COA8: variants seen among roughly 807,000 people sequenced by gnomAD.
The protein encoded by COA8 is UPF0671 protein C14orf153.
Under a neutral mutation model 22.0 loss-of-function variants are expected in COA8, and 20 were observed. The ratio of observed to expected loss-of-function variants is 0.91; its 90% CI spans 0.64 to 1.32. The LOEUF (loss-of-function observed/expected upper bound fraction) is 1.32. COA8 is among the 40% of genes most tolerant of loss of function. The pLI, the probability that COA8 is intolerant of heterozygous loss-of-function variation, is 0.00. For synonymous variants in COA8, 105 were observed against 79.9 expected (o/e 1.31, Z -1.68); for missense variants, 266 against 230.0 (o/e 1.16, Z -1.01).
chr14:103,567,994 G>A (rs2076147358), intron 1 of COA8, among the ~76,000 whole-genome samples: 1 of 152,152 alleles, frequency 6.6e-6, no homozygotes, highest in South Asian at 2.1e-4. Flanking sequence ...TCGGGTTTGC[G>A]GATTTGTCTA....
rs866692280 is a variant in COA8 at position 103,563,015 on chromosome 14, G to A, written c.14G>A (p.Arg5Gln). 40 of 1,557,730 alleles carry A rather than the reference G, an allele frequency of 2.6e-5. No homozygotes were observed. The highest frequency in any genetic ancestry group is 3.5e-5 in the Non-Finnish European group (40 of 1,157,806). ...GGGCGTGGGGCCATGGTGGTCTTGC[G>A]GGCGGGGAAGAAGACCTTTCTCCCC... MVVL[R>Q]AGKKTFLPPL... Residue 5 changes from arginine to glutamine, a missense_variant, in exon 1 of 5, where the codon CGG (arginine) becomes CAG (glutamine). Coordinates refer to ENST00000409074, the MANE Select transcript of COA8 (RefSeq NM_001370595.2).
rs1023785626 is a variant in COA8, at chr14:103,581,857, C to T, written c.386-5417C>T. Among the ~76,000 whole-genome samples the T allele has an allele frequency of 4.6e-5, 7 of 152,188 alleles. No individual in the cohort carries two copies. The highest frequency in any genetic ancestry group is 1.7e-4 in the African/African-American group (7 of 41,446). ...TGGCTAGGGGACAGCCGTGCTTGTG[C>T]TGTGCCGTCTGAGTGTTTGTTTCTG... On this transcript the variant is annotated intron_variant, in intron 3 of 4. Transcript: ENST00000409074. The surrounding 1 kb of genome is among the most constrained non-coding windows in gnomAD (Gnocchi z 4.1).
In COA8 at chr14:103,584,548, G is replaced by A. The variant is rs149078701; in HGVS notation, c.386-2726G>A. Among the ~76,000 whole-genome samples, 367 of 152,190 alleles carry A rather than the reference G, an allele frequency of 2.4e-3. 3 individuals are homozygous for A. Among genetic ancestry groups the A allele is most frequent in the Admixed American group, 0.013 (191 of 15,274 alleles). ...CAAATACCTCTCTATAATGCCACGT[G>A]GGTCTTATGATCACGAACTCTGTGT... On this transcript the variant is annotated intron_variant, in intron 3 of 4. Coordinates refer to ENST00000409074, the MANE Select transcript of COA8 (RefSeq NM_001370595.2).
At chr14:103,582,685 A>T (rs961108801) in intron 3 of COA8, among the ~76,000 whole-genome samples, 4 of 150,788 alleles carry the variant, frequency 2.7e-5, no homozygotes, top group Non-Finnish European at 5.9e-5. Context: ...GAAGAAAATG[A>T]ATTATGCTGT....
At chr14:103,571,118 ACCT>A (rs1303286780) in intron 1 of COA8, among the ~76,000 whole-genome samples, 4 of 151,998 alleles carry the variant, frequency 2.6e-5, no homozygotes, top group African/African-American at 9.7e-5. Context: ...CAGACTCCTC[ACCT>A]CCTCCTAGCC....
intron 4 of COA8, among the ~76,000 whole-genome samples, chr14:103,589,473 A>C (rs2076334369): frequency 6.6e-6 from 1 of 152,018 alleles, no homozygotes; most frequent in Non-Finnish European, 1.5e-5. Context: ...GCTCTCTTGG[A>C]TCTTTTAGCA....
intron 2 of COA8, among the ~76,000 whole-genome samples, chr14:103,573,194 AGTTTCACTCCT>A (rs1165920416): frequency 1.3e-5 from 2 of 150,576 alleles, no homozygotes; most frequent in South Asian, 4.2e-4. Flanking sequence ...TCTGAGATGG[AGTTTCACTCCT>A]GTTGCCCAGG....
intron 1 of COA8, among the ~76,000 whole-genome samples, chr14:103,568,860 G>C (rs2076158356): frequency 1.3e-5 from 2 of 152,066 alleles, no homozygotes; most frequent in Non-Finnish European, 2.9e-5. Context: ...TCGAACTCCT[G>C]ACCTCAAATG....
intron 2 of COA8, among the ~76,000 whole-genome samples, chr14:103,572,685 G>A (rs868410384): frequency 2.0e-4 from 30 of 151,932 alleles, no homozygotes; most frequent in Admixed American, 4.6e-4. Flanking sequence ...AGCCGAGAGC[G>A]CGCCATTGCA....
chr14:103,567,773 G>A (rs1173997351), intron 1 of COA8, among the ~76,000 whole-genome samples: 1 of 152,112 alleles, frequency 6.6e-6, no homozygotes, highest in African/African-American at 2.4e-5. Context: ...GGAAAGAGAT[G>A]GTTGACTAGG....
Position 103,581,601 on chromosome 14 carries a change from G to C in COA8, c.386-5673G>C, listed in dbSNP as rs1418865970. The C allele has an allele frequency of 2.5e-6, 1 of 398,746 alleles. No homozygotes were observed. The highest frequency in any genetic ancestry group is 4.4e-6 in the Non-Finnish European group (1 of 226,280). The allele number at this position is 398,746 out of a possible 1,614,324, so 24.7% of individuals were successfully genotyped here. On this transcript the variant is annotated intron_variant, in intron 3 of 4. Coordinates refer to ENST00000409074, the MANE Select transcript of COA8 (RefSeq NM_001370595.2). The surrounding 1 kb of genome is among the most constrained non-coding windows in gnomAD (Gnocchi z 4.1). ...TTTACCTCGGGTAACTGAAACCATG[G>C]AAAGAAAAACCATGGATGGAGGGGA...
chr14:103,572,965 T>G (rs192353108), intron 2 of COA8, among the ~76,000 whole-genome samples: 1 of 150,888 alleles, frequency 6.6e-6, no homozygotes, highest in Non-Finnish European at 1.5e-5. Context: ...GTACTTTTAG[T>G]GGAGATGGGA....
intron 3 of COA8, among the ~76,000 whole-genome samples, chr14:103,576,782 G>C (rs960169609): frequency 6.6e-6 from 1 of 152,208 alleles, no homozygotes. Flanking sequence ...GGAGGTGCCC[G>C]GATTAGCTGA....
chr14:103,580,803 T>G (rs1346386892), intron 3 of COA8, among the ~76,000 whole-genome samples: 2 of 150,576 alleles, frequency 1.3e-5, no homozygotes, highest in Non-Finnish European at 1.5e-5. Flanking sequence ...TGTTGTTTTT[T>G]TTTTTTTTTT....
rs144252743 is a variant in COA8, at chr14:103,590,634, G to A, written c.*348G>A. The A allele has an allele frequency of 1.2e-3, 227 of 187,760 alleles. 1 individual carries two copies. Among genetic ancestry groups the A allele is most frequent in the African/African-American group, 4.5e-3 (189 of 41,964 alleles). The allele number at this position is 187,760 out of a possible 1,614,324, so 11.6% of individuals were successfully genotyped here. ...TGTAATCCCAGCACTTTGGGAGGCC[G>A]AGGCGGGTGGATCACTTGAGATCAG... is the stretch of plus-strand genomic sequence containing the variant. On this transcript the variant is annotated 3_prime_UTR_variant, in exon 5 of 5. Transcript: ENST00000409074.
rs377532400 is a variant in COA8, at chr14:103,590,300, C to A, written c.*14C>A. 2 of 1,607,150 alleles carry A rather than the reference C, an allele frequency of 1.2e-6. No individual in the cohort carries two copies. Among genetic ancestry groups the A allele is most frequent in the Non-Finnish European group, 1.7e-6 (2 of 1,174,648 alleles). ...AGGAGCAACTAGGAGTCCACTCTGA[C>A]CCAGCCAGAGTCCAGGTTTCCACAG... On this transcript the variant is annotated 3_prime_UTR_variant, in exon 5 of 5. Transcript: ENST00000409074.
At position 103,581,183 on chromosome 14, in the gene COA8, C is replaced by T. The variant is rs1292436476; in HGVS notation, c.386-6091C>T. Among the ~76,000 whole-genome samples, 1 of 151,998 alleles carries T rather than the reference C, an allele frequency of 6.6e-6. No homozygotes were observed. The highest frequency in any genetic ancestry group is 1.5e-5 in the Non-Finnish European group (1 of 68,000). ...TCCTGGAACCAACCTCCTATCGATA[C>T]CAAGGGACAACTTTTCATTTTTAGC... On this transcript the variant is annotated intron_variant, in intron 3 of 4. Transcript: ENST00000409074. The surrounding 1 kb of genome is among the most constrained non-coding windows in gnomAD (Gnocchi z 4.1).
chr14:103,569,368 A>G (rs1051252660), intron 1 of COA8, among the ~76,000 whole-genome samples: 1 of 152,268 alleles, frequency 6.6e-6, no homozygotes, highest in African/African-American at 2.4e-5. Flanking sequence ...ATGATTTGAA[A>G]ATATCGGTAC....
At chr14:103,567,100 C>T (rs568843101) in intron 1 of COA8, among the ~76,000 whole-genome samples, 3 of 152,156 alleles carry the variant, frequency 2.0e-5, no homozygotes, top group South Asian at 2.1e-4. Flanking sequence ...TGGCAGGGCG[C>T]GGTGGCTCGT....
Sources: gnomAD v4.1 joint callset for allele counts (sites outside exome capture counted in the v4.1 genomes callset) on GRCh38, gnomAD v4.1.1 for gene constraint, Gnocchi (gnomAD v3.1) non-coding constraint, MANE v1.5 for transcripts, NCBI Gene and HGNC (gene_info 2026-07-23, HGNC 2026-07-21) for gene names.